The following WNT8A variants were observed in gnomAD, a reference collection of about 807,000 sequenced individuals.
WNT8A encodes protein Wnt-8a.
A neutral mutation model predicts 20.5 loss-of-function variants in WNT8A; 14 were observed. That is an observed-to-expected ratio of 0.68 (90% CI 0.45 to 1.07). WNT8A has a LOEUF of 1.07. Ranked by LOEUF, WNT8A falls within the 50% of genes least tolerant of loss-of-function variation. The pLI, the probability that WNT8A is intolerant of heterozygous loss-of-function variation, is 0.00. For missense variants in WNT8A, 397 were observed against 462.9 expected, an observed-to-expected ratio of 0.86 and a Z score of 1.31; for synonymous variants, 167 against 169.2, an observed-to-expected ratio of 0.99 and a Z score of 0.10.
chr5:138,085,926 G>A (rs546695048), intron 2 of WNT8A, among the ~76,000 whole-genome samples: 157 of 152,014 alleles, frequency 1.0e-3, no homozygotes, highest in African/African-American at 3.6e-3. Context: ...ATAGAATAGG[G>A]AGTATGTAGA....
At chr5:138,084,383 G>C in intron 1 of WNT8A, 100 bp downstream of exon 1, 1 of 1,555,148 alleles carries the variant, frequency 6.4e-7, no homozygotes. Context: ...CCCTCACCCA[G>C]AGGAACCCAT....
chr5:138,088,270 A>C (rs2151147055), intron 3 of WNT8A, among the ~76,000 whole-genome samples: 1 of 152,210 alleles, frequency 6.6e-6, no homozygotes, highest in Non-Finnish European at 1.5e-5. Flanking sequence ...ACTTACTCAG[A>C]TTTATCACTA....
chr5:138,086,284 C>T (rs1291905838), intron 2 of WNT8A, among the ~76,000 whole-genome samples: 11 of 152,108 alleles, frequency 7.2e-5, no homozygotes, highest in African/African-American at 1.9e-4. Flanking sequence ...GTGGCGCGAT[C>T]TTGGCTCAAT....
intron 4 of WNT8A, among the ~76,000 whole-genome samples, chr5:138,089,953 C>T (rs1750791468): frequency 2.0e-5 from 3 of 152,216 alleles, no homozygotes; most frequent in Admixed American, 1.3e-4. Context: ...TGAGCCACCA[C>T]ATCCAGCCAG....
chr5:138,080,111 C>T (rs927959893), upstream of WNT8A, among the ~76,000 whole-genome samples: 5 of 152,072 alleles, frequency 3.3e-5, no homozygotes, highest in Non-Finnish European at 5.9e-5. Flanking sequence ...TCCCTTGAAG[C>T]CAGGAGTTTG....
chr5:138,080,444 G>GTTTTTTTGTTT (rs750585385), upstream of WNT8A, among the ~76,000 whole-genome samples: 46 of 55,960 alleles, frequency 8.2e-4, no homozygotes, highest in East Asian at 4.5e-3. Flanking sequence ...TGTAAATCTT[G>GTTTTTTTGTTT]TTTTTTTTTT....
In WNT8A at chr5:138,084,512, C is replaced by T; in HGVS notation, c.171C>T (p.Tyr57=). ...LITGPKAYLT[Y]TTSVALGAQS... Reference sequence around the variant, plus strand: ...CCCTTTGCCAGGCCTATCTGACCTACACGACTAGTGTGGCCTTGGGTGCCC... The same window carrying T: ...CCCTTTGCCAGGCCTATCTGACCTATACGACTAGTGTGGCCTTGGGTGCCC... The change falls in exon 2 of 5, where the codon TAC becomes TAT. Residue 57 remains tyrosine, a synonymous_variant. Coordinates refer to ENST00000506684, the MANE Select transcript of WNT8A (RefSeq NM_001300939.2). 6.2e-7 allele frequency: 1 copy of T among 1,610,778 alleles called. No homozygotes were observed.
At position 138,084,546 on chromosome 5, in the gene WNT8A, A is replaced by G. The variant is rs773211697; in HGVS notation, c.205A>G (p.Ile69Val). 7 of 1,613,652 alleles carry G rather than the reference A, an allele frequency of 4.3e-6. No homozygotes were observed. The highest frequency in any genetic ancestry group is 1.7e-5 in the Admixed American group (1 of 59,954). The change falls in exon 2 of 5, where the codon ATC becomes GTC. Residue 69 changes from isoleucine (I) to valine (V), a missense_variant. Ile to Val is a conservative substitution (Grantham distance 29, BLOSUM62 3). Transcript: ENST00000506684. ...TSVALGAQSG[I>V]EECKFQFAWE... ...TGTGGCCTTGGGTGCCCAGAGTGGC[A>G]TCGAGGAGTGCAAGTTCCAGTTTGC...
the WNT8A span, among the ~76,000 whole-genome samples, chr5:138,078,496 C>A: frequency 6.6e-6 from 1 of 152,124 alleles, no homozygotes; most frequent in South Asian, 2.1e-4. Context: ...TGCTGAGGAT[C>A]GAAGGATTTG....
chr5:138,087,864 C>T lies in WNT8A; in HGVS notation c.354C>T (p.Ile118=), dbSNP rs992645276. The T allele has an allele frequency of 1.9e-6, 3 of 1,613,954 alleles. No homozygotes were observed. Among genetic ancestry groups the T allele is most frequent in the South Asian group, 1.1e-5 (1 of 91,082 alleles). Residue 118 remains isoleucine (I), a synonymous_variant, in exon 3 of 5, where the codon ATC becomes ATT. Coordinates refer to ENST00000506684, the MANE Select transcript of WNT8A (RefSeq NM_001300939.2). ...AISSAGVMYI[I]TKNCSMGDFE... ...GCTCTGCTGGAGTCATGTACATCAT[C>T]ACCAAGAACTGTAGCATGGGTGACT...
At chr5:138,090,373 G>C (rs185107320) in intron 4 of WNT8A, among the ~76,000 whole-genome samples, 155 bp from the exon 5 acceptor site, 71 of 152,288 alleles carry the variant, frequency 4.7e-4, no homozygotes, top group African/African-American at 1.7e-3. Context: ...AAGATCTGAG[G>C]TAGGGTCGAG....
intron 2 of WNT8A, 39 bp from the exon 3 acceptor site, chr5:138,087,767 G>T (rs978513377): frequency 6.2e-7 from 1 of 1,607,120 alleles, no homozygotes; most frequent in Admixed American, 1.7e-5. Context: ...GGGTAATCAG[G>T]GTCCAGGTTT....
chr5:138,079,579 A>G (rs775264344), upstream of WNT8A, among the ~76,000 whole-genome samples: 4 of 152,058 alleles, frequency 2.6e-5, no homozygotes, highest in Non-Finnish European at 5.9e-5. Context: ...AAATTAGCAA[A>G]TATTACCAAT....
intron 2 of WNT8A, among the ~76,000 whole-genome samples, chr5:138,087,064 TA>T (rs1195478901): frequency 6.0e-5 from 7 of 115,986 alleles, no homozygotes; most frequent in East Asian, 4.9e-4. Context: ...AAATAATAAT[TA>T]AAAAAAAATA....
rs1750809830 is a variant in WNT8A at position 138,090,551 on chromosome 5, G to C, written c.588G>C (p.Arg196Ser). 1 of 1,614,008 alleles carries C rather than the reference G, an allele frequency of 6.2e-7. No homozygotes were observed. Among genetic ancestry groups the C allele is most frequent in the Non-Finnish European group, 8.5e-7 (1 of 1,179,986 alleles). ...GRLAVRATMKRTCKCHGISGS... is the reference protein window; with the variant it reads ...GRLAVRATMKSTCKCHGISGS... ...AGGCAGTGAGAGCCACCATGAAAAG[G>C]ACATGCAAATGTCATGGCATCTCTG... Residue 196 changes from arginine to serine, a missense_variant, in exon 5 of 5, where the codon AGG becomes AGC. By Grantham distance (110) the Arg-to-Ser change is moderately radical. Coordinates refer to ENST00000506684, the MANE Select transcript of WNT8A (RefSeq NM_001300939.2).
In WNT8A at chr5:138,090,909, G is replaced by A. The variant is rs772882461; in HGVS notation, c.946G>A (p.Gly316Arg). Reference sequence around the variant, plus strand: ...CTGTGGGCGCCTGTGCACTGAGTGTGGGCTGCAGGTGGAAGAGAGGAAAAC... The same window carrying A: ...CTGTGGGCGCCTGTGCACTGAGTGTAGGCTGCAGGTGGAAGAGAGGAAAAC... ...RSCGRLCTEC[G>R]LQVEERKTEV... Residue 316 changes from glycine to arginine, a missense_variant, in exon 5 of 5, where the codon GGG (glycine) becomes AGG (arginine). Transcript: ENST00000506684. 4.3e-6 allele frequency: 7 copies of A among 1,614,214 alleles called. No homozygotes were observed. The highest frequency in any genetic ancestry group is 5.9e-6 in the Non-Finnish European group (7 of 1,180,042).
chr5:138,090,672 G>C lies in WNT8A; in HGVS notation c.709G>C (p.Glu237Gln). The part of the protein sequence containing the change: ...KAKYDQALKI[E>Q]MDKRQLRAGN... Reference sequence around the variant, plus strand: ...CAAGTATGACCAGGCGCTGAAAATTGAAATGGATAAGCGGCAGCTGAGAGC... The same window carrying C: ...CAAGTATGACCAGGCGCTGAAAATTCAAATGGATAAGCGGCAGCTGAGAGC... The change falls in exon 5 of 5, where the codon GAA becomes CAA. Residue 237 changes from glutamate to glutamine, a missense_variant. Transcript: ENST00000506684. The C allele has an allele frequency of 6.2e-7, 1 of 1,614,240 alleles. No homozygotes were observed. The highest frequency in any genetic ancestry group is 1.1e-5 in the South Asian group (1 of 91,072).
chr5:138,080,934 T>C (rs1750495260), upstream of WNT8A, among the ~76,000 whole-genome samples: 1 of 152,102 alleles, frequency 6.6e-6, no homozygotes, highest in Admixed American at 6.6e-5. Flanking sequence ...AAATTCTCAC[T>C]TCCATTTAGA....
chr5:138,091,381 T>A lies in WNT8A; in HGVS notation c.*308T>A, dbSNP rs752507787. 7.2e-7 allele frequency: 1 copy of A among 1,398,556 alleles called. No individual in the cohort carries two copies. The highest frequency in any genetic ancestry group is 9.5e-7 in the Non-Finnish European group (1 of 1,052,742). The allele number at this position is 1,398,556 out of a possible 1,614,324, so 86.6% of individuals were successfully genotyped here. On this transcript the variant is annotated 3_prime_UTR_variant, in exon 5 of 5. Transcript: ENST00000506684. ...CAGGGAGAGTTTGGTTTGGGGTCTA[T>A]ATCTAGAGGGACCTTCAAAGTATTT...
Sources: allele counts gnomAD v4.1 joint callset (sites outside exome capture counted in the v4.1 genomes callset), GRCh38; gene constraint gnomAD v4.1.1; transcripts MANE v1.5; gene names NCBI Gene and HGNC (gene_info 2026-07-23, HGNC 2026-07-21).